The following NAV3 variants were observed in gnomAD, a reference collection of about 807,000 sequenced individuals.
NAV3 encodes neuron navigator 3, also known as pore membrane and/or filament interacting like protein 1.
A neutral mutation model predicts 244.7 loss-of-function variants in NAV3; 87 were observed. The ratio of observed to expected loss-of-function variants is 0.36; its 90% confidence interval spans 0.30 to 0.42. The LOEUF (loss-of-function observed/expected upper bound fraction) is 0.42, where lower values mean the gene tolerates loss of function less well. Among genes scored for constraint, NAV3 ranks in the 20% least tolerant of loss-of-function variants. The pLI is 1.00. For synonymous variants in NAV3, 1,126 were observed against 1,042.2 expected (o/e 1.08, Z -1.55); for missense variants, 2,663 against 2,893.3 (o/e 0.92, Z 1.83).
chr12:77,837,723 CTTAA>C (rs1170834664), intron 1 of NAV3, among the ~76,000 whole-genome samples: 5 of 152,256 alleles, frequency 3.3e-5, no homozygotes, highest in Non-Finnish European at 7.4e-5. Context: ...TACTGATTGA[CTTAA>C]TTAATAGTAG....
chr12:77,698,671 T>C, intron 2 of NAV3, among the ~76,000 whole-genome samples: 1 of 152,128 alleles, frequency 6.6e-6, no homozygotes, highest in East Asian at 1.9e-4. Context: ...AGTGAGACCA[T>C]GGAAGGATTA....
chr12:77,667,374 G>C (rs901985594), intron 2 of NAV3, among the ~76,000 whole-genome samples: 1 of 152,144 alleles, frequency 6.6e-6, no homozygotes. Flanking sequence ...CTGGTCACAG[G>C]CTGCCTGGAA....
chr12:77,841,417 A>G (rs1450303881), intron 1 of NAV3, among the ~76,000 whole-genome samples: 2 of 152,236 alleles, frequency 1.3e-5, no homozygotes, highest in Non-Finnish European at 2.9e-5. Flanking sequence ...CAAATTTTAT[A>G]TGCAATCAAA....
At chr12:78,181,131 C>A in intron 30 of NAV3, 86 bp downstream of exon 30, 1 of 1,239,148 alleles carries the variant, frequency 8.1e-7, no homozygotes, top group Admixed American at 2.1e-5. Flanking sequence ...ACTTTACGTA[C>A]TCTTAAAAAT....
intron 34 of NAV3, among the ~76,000 whole-genome samples, chr12:78,192,955 G>A (rs368820629): frequency 9.2e-5 from 14 of 152,054 alleles, no homozygotes; most frequent in Middle Eastern, 3.4e-3. Context: ...AAAAAAAGAG[G>A]GGATGACAAG....
At chr12:77,891,013 C>T (rs1473628913) in intron 1 of NAV3, among the ~76,000 whole-genome samples, 1 of 150,596 alleles carries the variant, frequency 6.6e-6, no homozygotes, top group African/African-American at 2.4e-5. Context: ...ATTTTCCATC[C>T]TTTTTTTTTA....
chr12:78,087,810 A>G (rs1433946136), intron 12 of NAV3, among the ~76,000 whole-genome samples: 1 of 151,902 alleles, frequency 6.6e-6, no homozygotes, highest in Non-Finnish European at 1.5e-5. Context: ...GGGTCTATTT[A>G]TTTGTCCCAG....
chr12:78,210,148 G>A (rs1960752894), intron 39 of NAV3, among the ~76,000 whole-genome samples: 1 of 152,152 alleles, frequency 6.6e-6, no homozygotes. Context: ...TGCTGGAGCA[G>A]TATTCATTCA....
At chr12:77,616,481 C>A (rs116125774) in intron 2 of NAV3, among the ~76,000 whole-genome samples, 139 of 152,022 alleles carry the variant, frequency 9.1e-4, no homozygotes, top group African/African-American at 3.1e-3. Flanking sequence ...TTTTGAAGAC[C>A]CTTTGTATAT....
intron 3 of NAV3, among the ~76,000 whole-genome samples, chr12:77,955,996 A>G (rs1237698089): frequency 6.6e-6 from 1 of 152,180 alleles, no homozygotes; most frequent in African/African-American, 2.4e-5. Flanking sequence ...CTGTAAAACT[A>G]TATACTTTTT....
In NAV3 at chr12:77,686,446, T is replaced by A. The variant is rs868186271; in HGVS notation, c.72+114180T>A. Among the ~76,000 whole-genome samples, 485 of 141,498 alleles carry A rather than the reference T, an allele frequency of 3.4e-3. 5 individuals carry two copies. Among genetic ancestry groups the A allele is most frequent in the African/African-American group, 0.013 (461 of 35,304 alleles). The allele number at this position is 141,498 out of a possible 152,430, so 92.8% of individuals were successfully genotyped here. A position where few individuals can be genotyped will look rare whatever the true frequency, so the allele number is the denominator to read the frequency against. ...TTTCTTTTTTTTTTTTTTTTTTTTT[T>A]TAAAAACAGAGGCTTTGTTCTAAAG... On this transcript the variant is annotated intron_variant, in intron 2 of 8. Coordinates refer to the NAV3 transcript ENST00000550042.
Position 78,021,853 on chromosome 12 carries a change from G to C in NAV3, c.2014G>C (p.Glu672Gln), listed in dbSNP as rs923536490. ...YSKTAKQCLE[E>Q]ISGEDPETRR... ...TAAGACTGCTAAGCAGTGCCTGGAG[G>C]AGATATCTGGTAAGTGACCTCATCG... Residue 672 changes from glutamate (E) to glutamine (Q), a missense_variant, in exon 9 of 40, where the codon GAG becomes CAG. Physicochemically the swap from Glu to Gln is conservative, Grantham distance 29 (BLOSUM62 2). This residue lies in a region of NAV3 where 1,521 missense variants were observed against 1,497.0 expected (regional missense o/e 1.02). Transcript: ENST00000397909. 25 of 1,602,292 alleles carry C rather than the reference G, an allele frequency of 1.6e-5. No homozygotes were observed. The highest frequency in any genetic ancestry group is 2.1e-5 in the Non-Finnish European group (25 of 1,172,634).
chr12:77,930,985 G>T (rs1317840725), intron 1 of NAV3, among the ~76,000 whole-genome samples: 1 of 151,808 alleles, frequency 6.6e-6, no homozygotes, highest in African/African-American at 2.4e-5. Context: ...CCCTCCTGAA[G>T]CTTTTAGAAT....
At chr12:77,873,232 G>A (rs1333277056) in intron 1 of NAV3, among the ~76,000 whole-genome samples, 1 of 151,858 alleles carries the variant, frequency 6.6e-6, no homozygotes, top group Admixed American at 6.6e-5. Flanking sequence ...CCCCATCTTG[G>A]GTATTTCTTC....
intron 33 of NAV3, among the ~76,000 whole-genome samples, chr12:78,189,686 T>C (rs945786618): frequency 9.9e-5 from 15 of 151,792 alleles, no homozygotes; most frequent in Non-Finnish European, 8.8e-5. Context: ...TATGATAGCA[T>C]TTATAATGCT....
chr12:78,138,692 A>G (rs1227762074), intron 19 of NAV3, among the ~76,000 whole-genome samples: 1 of 152,156 alleles, frequency 6.6e-6, no homozygotes, highest in East Asian at 1.9e-4. Context: ...TTTTAAAATA[A>G]TTTGCTAAGC....
chr12:78,133,331 T>C (rs975361863), intron 18 of NAV3, among the ~76,000 whole-genome samples: 4 of 151,896 alleles, frequency 2.6e-5, no homozygotes, highest in Non-Finnish European at 5.9e-5. Flanking sequence ...CCTCTGTTCA[T>C]TGGGCAAGAA....
intron 3 of NAV3, among the ~76,000 whole-genome samples, chr12:77,946,067 C>T (rs1890309842): frequency 2.1e-5 from 3 of 146,154 alleles, no homozygotes; most frequent in Admixed American, 1.4e-4. Context: ...CCATGGATAC[C>T]TTATAATAAA....
chr12:77,686,598 C>T (rs1390663313), intron 2 of NAV3, among the ~76,000 whole-genome samples: 2 of 152,044 alleles, frequency 1.3e-5, no homozygotes, highest in East Asian at 3.8e-4. Flanking sequence ...ATCCATGACA[C>T]ACAGCATCCA....
Sources: gnomAD v4.1 joint callset for allele counts (sites outside exome capture counted in the v4.1 genomes callset) on GRCh38, gnomAD v4.1.1 for gene constraint, gnomAD v4.1.1 regional missense constraint, MANE v1.5 for transcripts, NCBI Gene and HGNC (gene_info 2026-07-23, HGNC 2026-07-21) for gene names.